The following SAMD3 variants were observed in gnomAD, a reference collection of about 807,000 sequenced individuals.
SAMD3 encodes the protein sterile alpha motif domain containing 3.
A neutral mutation model predicts 58.5 loss-of-function variants in SAMD3; 63 were observed. The ratio of observed to expected loss-of-function variants is 1.08; its 90% CI spans 0.88 to 1.33. The LOEUF (loss-of-function observed/expected upper bound fraction) is 1.33. Among genes scored for constraint, SAMD3 ranks in the 40% most tolerant of loss-of-function variants. The pLI is 0.00. For synonymous variants in SAMD3, 220 were observed against 210.3 expected, an observed-to-expected ratio of 1.05 and a Z score of -0.40; for missense variants, 604 against 608.4, an observed-to-expected ratio of 0.99 and a Z score of 0.08.
At chr6:130,195,493 A>C (rs1348923896) in intron 5 of SAMD3, among the ~76,000 whole-genome samples, 1 of 152,030 alleles carries the variant, frequency 6.6e-6, no homozygotes, top group Non-Finnish European at 1.5e-5. Context: ...TTATCAACCA[A>C]ATTGTTTTGC....
intron 2 of SAMD3, among the ~76,000 whole-genome samples, chr6:130,304,761 A>T (rs972238001): frequency 6.6e-6 from 1 of 152,136 alleles, no homozygotes; most frequent in African/African-American, 2.4e-5. Context: ...ATTGATATTT[A>T]AAAAACTATA....
chr6:130,178,377 GA>G (rs71543181), intron 7 of SAMD3, among the ~76,000 whole-genome samples: 5,689 of 144,914 alleles, frequency 0.039, 155 homozygotes, highest in Non-Finnish European at 0.059. Context: ...TGAGTGCGGG[GA>G]AGGGAAAAAA....
At chr6:130,208,271 G>A (rs1334855388) in intron 5 of SAMD3, among the ~76,000 whole-genome samples, 2 of 152,194 alleles carry the variant, frequency 1.3e-5, no homozygotes, top group African/African-American at 4.8e-5. Context: ...TACGTTTAAG[G>A]CATTGCATTT....
At chr6:130,261,392 C>A (rs56320805) in intron 2 of SAMD3, among the ~76,000 whole-genome samples, 49,554 of 117,250 alleles carry the variant, frequency 0.42, 15,728 homozygotes, top group African/African-American at 0.74. Flanking sequence ...CTTGCCTACT[C>A]CATTTGAGTG....
At chr6:130,177,082 A>T (rs975078199) in intron 7 of SAMD3, among the ~76,000 whole-genome samples, 4 of 152,102 alleles carry the variant, frequency 2.6e-5, no homozygotes, top group Non-Finnish European at 5.9e-5. Flanking sequence ...GGTTCTCAAA[A>T]TTTAGCCTGA....
At chr6:130,183,360 A>T (rs1212689876) in intron 7 of SAMD3, 7 of 450,152 alleles carry the variant, frequency 1.6e-5, no homozygotes. Flanking sequence ...GGAAAAAAAA[A>T]AAAAAGAACT....
rs181859880 is a variant in SAMD3, at chr6:130,311,224, C to T, written c.-188+1754G>A. Among the ~76,000 whole-genome samples, 39 of 152,320 alleles carry T rather than the reference C, an allele frequency of 2.6e-4. No homozygotes were observed. The East Asian group carries it at 6.2e-3, about 24-fold the overall frequency. ...GTGAATATAGATTTTATCCATCCAG[C>T]TACCAAAATAGTGTATGTCAGAATC... On this transcript the variant is annotated intron_variant, in intron 2 of 13. Coordinates refer to the SAMD3 transcript ENST00000368134.
At position 130,290,731 on chromosome 6, in the gene SAMD3, T is replaced by A. The variant is rs1775334946; in HGVS notation, c.-188+22247A>T. ...GTTAAACCACCTTACAGAGCTGTTG[T>A]GAGATTCAATATAGAACACACATGT... On this transcript the variant is annotated intron_variant, in intron 2 of 13. Coordinates refer to the SAMD3 transcript ENST00000368134. 2.0e-5 allele frequency among the ~76,000 whole-genome samples: 3 copies of A among 152,178 alleles called. No individual in the cohort carries two copies. The South Asian group carries it at 6.2e-4, about 32-fold the overall frequency.
chr6:130,348,230 T>C (rs1025671449), intron 1 of SAMD3, among the ~76,000 whole-genome samples: 1 of 152,070 alleles, frequency 6.6e-6, no homozygotes, highest in African/African-American at 2.4e-5. Context: ...CATAACAATA[T>C]TAACCTTAAA....
chr6:130,175,318 C>T (rs556555716), intron 8 of SAMD3, among the ~76,000 whole-genome samples: 1 of 152,166 alleles, frequency 6.6e-6, no homozygotes, highest in Non-Finnish European at 1.5e-5. Context: ...CCAGGCCCTC[C>T]CACGGGCCCT....
intron 2 of SAMD3, chr6:130,286,114 T>C (rs1211442105): frequency 6.6e-6 from 1 of 152,230 alleles, no homozygotes; most frequent in Non-Finnish European, 1.5e-5. Flanking sequence ...AATAATTTGC[T>C]TAGGATCAGA....
chr6:130,349,946 TA>T (rs1393304361), intron 1 of SAMD3, among the ~76,000 whole-genome samples: 1 of 152,144 alleles, frequency 6.6e-6, no homozygotes, highest in East Asian at 1.9e-4. Flanking sequence ...TAATCCAGCA[TA>T]TAAACAGAAC....
intron 2 of SAMD3, among the ~76,000 whole-genome samples, chr6:130,252,758 C>T (rs370000566): frequency 2.6e-4 from 39 of 152,134 alleles, no homozygotes; most frequent in South Asian, 2.1e-3. Flanking sequence ...GTAGGCTTAG[C>T]TTCAACTATT....
At chr6:130,172,541 TTTTCTGGCTTGTAGGG>T (rs1183682005) in intron 8 of SAMD3, among the ~76,000 whole-genome samples, 1 of 152,220 alleles carries the variant, frequency 6.6e-6, no homozygotes, top group Non-Finnish European at 1.5e-5. Flanking sequence ...GACCCCACTC[TTTTCTGGCTTGTAGGG>T]TTTCTGCAGA....
intron 2 of SAMD3, among the ~76,000 whole-genome samples, chr6:130,257,482 G>T (rs1301655659): frequency 1.3e-5 from 2 of 152,030 alleles, no homozygotes; most frequent in Non-Finnish European, 1.5e-5. Context: ...AAAATTAGAA[G>T]AATAATTTCA....
chr6:130,207,510 T>G (rs1795185032), intron 5 of SAMD3, among the ~76,000 whole-genome samples: 1 of 152,042 alleles, frequency 6.6e-6, no homozygotes, highest in Non-Finnish European at 1.5e-5. Flanking sequence ...ACTTCCACAG[T>G]TATAGACATG....
At chr6:130,318,434 A>G (rs1018031254) in intron 1 of SAMD3, among the ~76,000 whole-genome samples, 1 of 152,004 alleles carries the variant, frequency 6.6e-6, no homozygotes, top group Non-Finnish European at 1.5e-5. Flanking sequence ...TTTTTTTTTT[A>G]ATTTTTTATT....
intron 1 of SAMD3, among the ~76,000 whole-genome samples, chr6:130,353,600 T>C (rs1777743238): frequency 6.6e-6 from 1 of 152,190 alleles, no homozygotes; most frequent in African/African-American, 2.4e-5. Context: ...CCAGATTTTG[T>C]AACCCTCAAA....
intron 2 of SAMD3, among the ~76,000 whole-genome samples, chr6:130,282,742 A>G (rs1300410391): frequency 2.0e-5 from 3 of 152,266 alleles, no homozygotes; most frequent in African/African-American, 7.2e-5. Context: ...TCAAATTCCA[A>G]ACTTGTGTTT....
Sources: gnomAD v4.1 joint callset for allele counts (sites outside exome capture counted in the v4.1 genomes callset) on GRCh38, gnomAD v4.1.1 for gene constraint, MANE v1.5 for transcripts, NCBI Gene and HGNC (gene_info 2026-07-23, HGNC 2026-07-21) for gene names.